TSPAN32: variants seen among roughly 807,000 people sequenced by gnomAD.
The protein encoded by TSPAN32 is tetraspanin 32, also known as tetraspanin-32.
TSPAN32 carries 47 observed loss-of-function variants against 42.7 expected under a neutral mutation model. The observed-to-expected ratio is 1.10, with a 90% CI of 0.87 to 1.40. The LOEUF is 1.40. Among genes scored for constraint, TSPAN32 ranks in the 40% most tolerant of loss-of-function variants. The probability of loss-of-function intolerance (pLI) is 0.00; values close to 1 mark genes in which losing one functional copy is unlikely to be tolerated. For synonymous variants in TSPAN32, 175 were observed against 175.9 expected (o/e 0.99, Z 0.04); for missense variants, 469 against 424.1 (o/e 1.11, Z -0.93).
intron 6 of TSPAN32, 187 bp from the exon 7 acceptor site, chr11:2,316,042 G>A (rs75574677): frequency 0.044 from 68,141 of 1,534,178 alleles, 2,376 homozygotes; most frequent in African/African-American, 0.15. Flanking sequence ...TGTCCCACTG[G>A]GCTTCACCTG....
At chr11:2,307,034 G>T in intron 3 of TSPAN32, 1 of 154,078 alleles carries the variant, frequency 6.5e-6, no homozygotes. Flanking sequence ...GGAGGAGGAA[G>T]AGGAGGAAGG....
At chr11:2,307,701 GAAC>G (rs1311629548) in intron 3 of TSPAN32, among the ~76,000 whole-genome samples, 2 of 152,204 alleles carry the variant, frequency 1.3e-5, no homozygotes, top group Non-Finnish European at 2.9e-5. Flanking sequence ...TTGACCGAGA[GAAC>G]AACGGGCAAG....
chr11:2,314,500 A>T lies in TSPAN32; in HGVS notation c.472A>T (p.Lys158Ter). The T allele has an allele frequency of 6.2e-7, 1 of 1,612,370 alleles. No individual in the cohort carries two copies. Among genetic ancestry groups the T allele is most frequent in the Non-Finnish European group, 8.5e-7 (1 of 1,179,316 alleles). The change falls in exon 6 of 10, where the codon AAG (lysine) becomes TAG (stop). Residue 158 changes from lysine (K) to a stop codon, truncating the protein, a stop_gained. Coordinates refer to ENST00000182290, the MANE Select transcript of TSPAN32 (RefSeq NM_139022.3). LOFTEE classifies it high-confidence loss of function. ...GTTCCTGTAGTTTCTGTGCTGTGGG[A>T]AGAAGTCTCCTTTCAGCCGTCTGGG... ...AIQDVFLCCG[K>*]KSPFSRLGST...
chr11:2,303,380 G>T, intron 2 of TSPAN32: 1 of 210,488 alleles, frequency 4.8e-6, no homozygotes, highest in South Asian at 5.1e-5. Context: ...GAGGGGGTGG[G>T]GGCTGCTCTA....
Position 2,302,606 on chromosome 11 carries a change from G to A in TSPAN32, c.67-238G>A, listed in dbSNP as rs997033591. On this transcript the variant is annotated intron_variant, in intron 1 of 9. Coordinates refer to ENST00000182290, the MANE Select transcript of TSPAN32 (RefSeq NM_139022.3). ...ATGATCAGAGGTCCTGGGTGTCTGG[G>A]GAAGCTGGGCTGTGCGTGTATGCGT... The A allele has an allele frequency of 1.8e-5, 10 of 567,770 alleles. No homozygotes were observed. In the Admixed American group the frequency reaches 3.2e-4, roughly 18 times the overall value. 35.2% of individuals were successfully genotyped at this position (567,770 alleles called of 1,614,324 possible).
rs1280099646 is a variant in TSPAN32 at position 2,316,163 on chromosome 11, A to C, written c.544-66A>C. ...GGGCGCTGCAGCTCCATGGCCCCAC[A>C]GAGGCCGCTTGTCCAGGCAGGGAGG... On this transcript the variant is annotated intron_variant, in intron 6 of 9. Transcript: ENST00000182290. 5 of 1,513,922 alleles carry C rather than the reference A, an allele frequency of 3.3e-6. No homozygotes were observed. The South Asian group carries it at 6.3e-5, about 19-fold the overall frequency. 93.8% of individuals were successfully genotyped at this position (1,513,922 alleles called of 1,614,324 possible).
intron 6 of TSPAN32, chr11:2,315,358 G>T: frequency 8.6e-7 from 1 of 1,157,746 alleles, no homozygotes; most frequent in Non-Finnish European, 1.1e-6. Flanking sequence ...GGCTGGCGCT[G>T]AGGATGGTGC....
rs190890932 is a variant in TSPAN32 at position 2,316,879 on chromosome 11, T to A, written c.719+212T>A. ...AATGCACCGCACCCCATGGCCCACA[T>A]GGGGACCCCCCTTTGCTTACCCCCA... On this transcript the variant is annotated intron_variant, in intron 8 of 9. Transcript: ENST00000182290. Among the ~76,000 whole-genome samples the A allele has an allele frequency of 1.7e-3, 255 of 152,174 alleles. 1 individual carries two copies. The highest frequency in any genetic ancestry group is 3.2e-3 in the Non-Finnish European group (215 of 67,960).
intron 6 of TSPAN32, chr11:2,315,512 G>A (rs558128217): frequency 1.0e-5 from 12 of 1,156,346 alleles, no homozygotes; most frequent in Middle Eastern, 4.0e-4. Flanking sequence ...CCATGGGCCC[G>A]ACTGCAAAGC....
At chr11:2,306,092 C>T (rs1312375435) in intron 3 of TSPAN32, among the ~76,000 whole-genome samples, 3 of 126,754 alleles carry the variant, frequency 2.4e-5, no homozygotes, top group Non-Finnish European at 3.5e-5. Flanking sequence ...CACCGGTCTT[C>T]ACCTGCCCCT....
intron 6 of TSPAN32, chr11:2,315,278 A>T: frequency 8.4e-7 from 1 of 1,184,870 alleles, no homozygotes; most frequent in Admixed American, 4.0e-5. Flanking sequence ...CAAGAAACAG[A>T]GGGGAGGAGA....
At chr11:2,308,915 G>A in intron 4 of TSPAN32, 105 bp downstream of exon 4, 1 of 793,958 alleles carries the variant, frequency 1.3e-6, no homozygotes, top group Non-Finnish European at 2.0e-6. Flanking sequence ...CAGCTTCCAG[G>A]CTTGTGCTGA....
At chr11:2,312,460 G>A (rs540526166) in intron 4 of TSPAN32, among the ~76,000 whole-genome samples, 1 of 152,364 alleles carries the variant, frequency 6.6e-6, no homozygotes, top group South Asian at 2.1e-4. Flanking sequence ...TGGCTGAGTC[G>A]GGGATGACTC....
intron 1 of TSPAN32, chr11:2,302,629 C>T (rs766258112): frequency 2.6e-5 from 15 of 585,208 alleles, no homozygotes; most frequent in African/African-American, 7.5e-5. Flanking sequence ...TGCGTGTATG[C>T]GTCTACCATG....
Position 2,303,692 on chromosome 11 carries a change from G to A in TSPAN32, c.182-415G>A, listed in dbSNP as rs191695509. Among the ~76,000 whole-genome samples the A allele has an allele frequency of 7.9e-5, 12 of 152,140 alleles. No individual in the cohort carries two copies. In the East Asian group the frequency reaches 2.3e-3, roughly 30 times the overall value. ...GGCCTCCCTGGAGGAGGACGCCTGG[G>A]GCCCAGGTCCAGGTCCGGACTGATA... On this transcript the variant is annotated intron_variant, in intron 2 of 9. Coordinates refer to ENST00000182290, the MANE Select transcript of TSPAN32 (RefSeq NM_139022.3).
At chr11:2,305,380 C>G (rs544000715) in intron 3 of TSPAN32, among the ~76,000 whole-genome samples, 3 of 151,876 alleles carry the variant, frequency 2.0e-5, no homozygotes, top group African/African-American at 4.8e-5. Flanking sequence ...GCCCCCCCCC[C>G]CAGAGGGTGT....
chr11:2,312,444 C>T (rs1396656039), intron 4 of TSPAN32, among the ~76,000 whole-genome samples: 3 of 152,226 alleles, frequency 2.0e-5, no homozygotes, highest in Non-Finnish European at 2.9e-5. Flanking sequence ...GCGGGGAGGA[C>T]AAGGCTGGCT....
chr11:2,312,376 C>A (rs1018809049), intron 4 of TSPAN32, among the ~76,000 whole-genome samples: 1 of 152,254 alleles, frequency 6.6e-6, no homozygotes, highest in African/African-American at 2.4e-5. Context: ...CTGAACAAGG[C>A]CCCCGCCCTG....
Position 2,304,411 on chromosome 11 carries a change from G to A in TSPAN32, c.279+207G>A, listed in dbSNP as rs905319698. On this transcript the variant is annotated intron_variant, in intron 3 of 9. Transcript: ENST00000182290. This position sits in a 1 kb window ranked among gnomAD's most constrained non-coding sequence, Gnocchi z 4.8. ...GAGGCCCCAGGGATGCTAGCCAGCCGAGACCCCCTACCTGGGTAGCCAAGG... is the reference window on the plus strand; with the variant it reads ...GAGGCCCCAGGGATGCTAGCCAGCCAAGACCCCCTACCTGGGTAGCCAAGG... Among the ~76,000 whole-genome samples the A allele has an allele frequency of 3.0e-4, 46 of 151,900 alleles. No homozygotes were observed. The highest frequency in any genetic ancestry group is 1.0e-3 in the African/African-American group (43 of 41,326).
Sources: gnomAD v4.1 joint callset for allele counts (sites outside exome capture counted in the v4.1 genomes callset) on GRCh38, gnomAD v4.1.1 for gene constraint, Gnocchi (gnomAD v3.1) non-coding constraint, MANE v1.5 for transcripts, NCBI Gene and HGNC (gene_info 2026-07-23, HGNC 2026-07-21) for gene names.